The following SDK1 variants were observed in gnomAD, a reference collection of about 807,000 sequenced individuals.
The protein encoded by SDK1 is sidekick cell adhesion molecule 1, also known as protein sidekick-1.
A neutral mutation model predicts 245.5 loss-of-function variants in SDK1; 157 were observed. The observed-to-expected ratio is 0.64, with a 90% CI of 0.56 to 0.73. The LOEUF (loss-of-function observed/expected upper bound fraction) is 0.73, where lower values mean the gene tolerates loss of function less well. SDK1 is among the 30% of genes least tolerant of loss of function. The pLI, the probability that SDK1 is intolerant of heterozygous loss-of-function variation, is 0.00. For synonymous variants in SDK1, 1,647 were observed against 1,278.5 expected (o/e 1.29, Z -6.15); for missense variants, 3,583 against 3,002.3 (o/e 1.19, Z -4.52).
At chr7:3,861,357 C>T (rs1006963886) in intron 5 of SDK1, among the ~76,000 whole-genome samples, 2 of 152,146 alleles carry the variant, frequency 1.3e-5, no homozygotes, top group Admixed American at 6.5e-5. Flanking sequence ...CTTGTAGTTC[C>T]ATTCGGTATC....
chr7:4,170,710 T>C (rs1295311924), intron 32 of SDK1, among the ~76,000 whole-genome samples: 1 of 152,092 alleles, frequency 6.6e-6, no homozygotes, highest in East Asian at 1.9e-4. Context: ...TGTGATTCTA[T>C]AGACTCCACA....
chr7:4,107,227 G>A (rs531407534), intron 22 of SDK1, among the ~76,000 whole-genome samples: 8 of 151,754 alleles, frequency 5.3e-5, no homozygotes, highest in Non-Finnish European at 5.9e-5. Flanking sequence ...ATGAGCGTCC[G>A]CAGTGCAGCT....
intron 1 of SDK1, among the ~76,000 whole-genome samples, chr7:3,338,946 G>A (rs1193983267): frequency 6.6e-6 from 1 of 152,154 alleles, no homozygotes; most frequent in Non-Finnish European, 1.5e-5. Flanking sequence ...TAAATGGCAG[G>A]CTTAGGCTTG....
intron 1 of SDK1, among the ~76,000 whole-genome samples, chr7:3,403,869 A>ATATATT (rs1554266408): frequency 9.0e-5 from 8 of 88,902 alleles, no homozygotes; most frequent in African/African-American, 2.7e-4. Flanking sequence ...ATATATATAT[A>ATATATT]ATATATATAT....
intron 5 of SDK1, among the ~76,000 whole-genome samples, chr7:3,949,206 C>A (rs566695479): frequency 2.5e-4 from 38 of 152,316 alleles, no homozygotes; most frequent in Admixed American, 7.8e-4. Context: ...GCCTCAGCCC[C>A]CCAGGGACCC....
At chr7:3,765,414 A>G (rs1486964393) in intron 4 of SDK1, among the ~76,000 whole-genome samples, 1 of 152,216 alleles carries the variant, frequency 6.6e-6, no homozygotes. Context: ...AGAATCTCAC[A>G]TGCAAGGAAA....
At chr7:3,665,119 A>G (rs929707422) in intron 4 of SDK1, among the ~76,000 whole-genome samples, 2 of 152,164 alleles carry the variant, frequency 1.3e-5, no homozygotes, top group Admixed American at 1.3e-4. Context: ...TCTGAAGCCT[A>G]TGAAACCTCG....
chr7:3,794,975 C>A (rs942386923), intron 4 of SDK1, among the ~76,000 whole-genome samples: 1 of 151,846 alleles, frequency 6.6e-6, no homozygotes, highest in African/African-American at 2.4e-5. Flanking sequence ...GTTACTATTA[C>A]AGTATTAAGG....
At chr7:4,013,948 C>T (rs574295026) in intron 16 of SDK1, among the ~76,000 whole-genome samples, 1 of 152,370 alleles carries the variant, frequency 6.6e-6, no homozygotes, top group African/African-American at 2.4e-5. Context: ...ATTGCCTGAC[C>T]ACCTCCGCTC....
At chr7:3,803,434 C>T (rs6975626) in intron 4 of SDK1, among the ~76,000 whole-genome samples, 16,505 of 151,728 alleles carry the variant, frequency 0.11, 1,623 homozygotes, top group African/African-American at 0.26. Context: ...CCTCAGCCTC[C>T]TGAGTAGCTG....
chr7:3,850,872 G>A lies in SDK1; in HGVS notation c.847+29289G>A, dbSNP rs113570635. Among the ~76,000 whole-genome samples, 35 of 150,170 alleles carry A rather than the reference G, an allele frequency of 2.3e-4. No homozygotes were observed. In the Middle Eastern group the frequency reaches 0.014, roughly 61 times the overall value. ...GGGGCCTGTTGTGGGGTAGGGGGAG[G>A]GGGGAGGGAAAGAATTAAGAGATAT... On this transcript the variant is annotated intron_variant, in intron 5 of 44. Transcript: ENST00000404826.
intron 2 of SDK1, among the ~76,000 whole-genome samples, chr7:3,635,019 T>G (rs1460588729): frequency 1.3e-5 from 2 of 152,204 alleles, no homozygotes; most frequent in African/African-American, 4.8e-5. Context: ...TGCAATTACT[T>G]GTGCTATTTC....
chr7:3,690,805 CT>C, intron 4 of SDK1, among the ~76,000 whole-genome samples: 1 of 152,286 alleles, frequency 6.6e-6, no homozygotes, highest in South Asian at 2.1e-4. Context: ...TATGACTTGT[CT>C]TTAGACATCC....
At chr7:3,872,075 G>T (rs1217285179) in intron 5 of SDK1, among the ~76,000 whole-genome samples, 1 of 151,970 alleles carries the variant, frequency 6.6e-6, no homozygotes, top group Admixed American at 6.6e-5. Context: ...TTCTTATTTA[G>T]TCTGTTAATT....
At chr7:3,522,352 G>A (rs769457967) in intron 1 of SDK1, among the ~76,000 whole-genome samples, 1 of 152,226 alleles carries the variant, frequency 6.6e-6, no homozygotes, top group African/African-American at 2.4e-5. Flanking sequence ...CAGCATGTCA[G>A]TGTCTCCAGT....
intron 1 of SDK1, among the ~76,000 whole-genome samples, chr7:3,543,039 C>G (rs1223823939): frequency 1.3e-5 from 2 of 152,242 alleles, no homozygotes; most frequent in East Asian, 1.9e-4. Context: ...TTATTTTGTT[C>G]TCATCTCCAT....
At chr7:4,141,310 A>G (rs1357046843) in intron 28 of SDK1, among the ~76,000 whole-genome samples, 10 of 152,250 alleles carry the variant, frequency 6.6e-5, no homozygotes, top group Non-Finnish European at 1.0e-4. Flanking sequence ...CTTGGCAAGA[A>G]GAAACCAGTT....
intron 1 of SDK1, among the ~76,000 whole-genome samples, chr7:3,433,901 G>A (rs1055973737): frequency 2.0e-5 from 3 of 152,190 alleles, no homozygotes; most frequent in African/African-American, 7.2e-5. Flanking sequence ...TGAAAGTCAT[G>A]ATATTGTAAA....
intron 14 of SDK1, among the ~76,000 whole-genome samples, chr7:3,999,735 T>C (rs966535412): frequency 1.3e-5 from 2 of 152,214 alleles, no homozygotes; most frequent in Non-Finnish European, 2.9e-5. Flanking sequence ...AACCATTTTC[T>C]AACTAATAAT....
Sources: allele counts gnomAD v4.1 joint callset (sites outside exome capture counted in the v4.1 genomes callset), GRCh38; gene constraint gnomAD v4.1.1; transcripts MANE v1.5; gene names NCBI Gene and HGNC (gene_info 2026-07-23, HGNC 2026-07-21).